The following ASTN2 variants were observed in gnomAD, a reference collection of about 807,000 sequenced individuals.
ASTN2 encodes the protein astrotactin 2, also known as astrotactin-2.
In ASTN2, 54 loss-of-function variants were observed where a neutral mutation model predicts 139.8. The observed-to-expected ratio is 0.39, with a 90% CI of 0.31 to 0.48. ASTN2 has a LOEUF of 0.48. Among genes scored for constraint, ASTN2 ranks in the 20% least tolerant of loss-of-function variants. The pLI is 0.95. For synonymous variants in ASTN2, 756 were observed against 719.5 expected, an observed-to-expected ratio of 1.05 and a Z score of -0.81; for missense variants, 1,565 against 1,725.1, an observed-to-expected ratio of 0.91 and a Z score of 1.64.
intron 3 of ASTN2, among the ~76,000 whole-genome samples, chr9:117,181,906 T>C (rs1588049041): frequency 6.6e-6 from 1 of 152,138 alleles, no homozygotes; most frequent in Non-Finnish European, 1.5e-5. Context: ...AAGACTCGTT[T>C]GGGATTCGCA....
intron 7 of ASTN2, among the ~76,000 whole-genome samples, chr9:117,005,330 A>G (rs1229818170): frequency 1.3e-5 from 2 of 150,704 alleles, no homozygotes; most frequent in Non-Finnish European, 3.0e-5. Flanking sequence ...CTAGTGATCC[A>G]CCTGTCTTGG....
chr9:116,782,212 A>G (rs1360963651), intron 13 of ASTN2, among the ~76,000 whole-genome samples: 3 of 152,200 alleles, frequency 2.0e-5, no homozygotes, highest in Non-Finnish European at 2.9e-5. Flanking sequence ...GGAGCCCACA[A>G]TCACTGTGGA....
chr9:116,880,133 A>G (rs1833414624), intron 10 of ASTN2, among the ~76,000 whole-genome samples: 5 of 152,354 alleles, frequency 3.3e-5, no homozygotes, highest in Admixed American at 3.3e-4. Flanking sequence ...ATGATATAAA[A>G]CTATAAGTAA....
At chr9:116,790,215 C>T (rs1830494411) in intron 13 of ASTN2, among the ~76,000 whole-genome samples, 2 of 152,120 alleles carry the variant, frequency 1.3e-5, no homozygotes, top group Non-Finnish European at 2.9e-5. Flanking sequence ...CGTGAGCCCC[C>T]ACACCCGGCC....
intron 10 of ASTN2, among the ~76,000 whole-genome samples, chr9:116,968,898 C>CAAAAAA (rs34706777): frequency 2.1e-5 from 2 of 93,620 alleles, no homozygotes; most frequent in Non-Finnish European, 4.4e-5. Context: ...GACTCTGTCT[C>CAAAAAA]AAAAAAAAAA....
intron 7 of ASTN2, among the ~76,000 whole-genome samples, chr9:116,978,575 C>T (rs185106896): frequency 1.9e-4 from 29 of 151,644 alleles, no homozygotes; most frequent in African/African-American, 6.3e-4. Flanking sequence ...ATAGACAGGA[C>T]CCAAAAGTTT....
chr9:116,841,315 G>A (rs985148511), intron 11 of ASTN2, among the ~76,000 whole-genome samples: 1 of 152,214 alleles, frequency 6.6e-6, no homozygotes, highest in African/African-American at 2.4e-5. Flanking sequence ...GCAGTGAGCC[G>A]AGATGGCAGC....
chr9:116,559,470 G>A (rs561427011), intron 19 of ASTN2, among the ~76,000 whole-genome samples: 3 of 151,388 alleles, frequency 2.0e-5, no homozygotes, highest in East Asian at 3.9e-4. Context: ...ATTAAATTAT[G>A]ATCTATGGTC....
At chr9:117,258,803 G>C (rs1833753195) in intron 2 of ASTN2, among the ~76,000 whole-genome samples, 1 of 152,060 alleles carries the variant, frequency 6.6e-6, no homozygotes, top group African/African-American at 2.4e-5. Flanking sequence ...TGAAACGTCT[G>C]CCTTAGCTCC....
At chr9:116,837,942 G>C (rs2132295753) in intron 11 of ASTN2, among the ~76,000 whole-genome samples, 1 of 152,250 alleles carries the variant, frequency 6.6e-6, no homozygotes, top group South Asian at 2.1e-4. Context: ...CCTTGAGCTA[G>C]TCCCTTGGCT....
In ASTN2 at chr9:116,454,848, T is replaced by C. The variant is rs1429965025; in HGVS notation, c.3498-12295A>G. On this transcript the variant is annotated intron_variant, in intron 20 of 22. Coordinates refer to ENST00000313400, the MANE Select transcript of ASTN2 (RefSeq NM_001365068.1). Reference sequence around the variant, plus strand: ...GGTGGGAATTGAACAATAAGAACACTTGGACACAGGGTGGGGATCATCACA... The same window carrying C: ...GGTGGGAATTGAACAATAAGAACACCTGGACACAGGGTGGGGATCATCACA... Among the ~76,000 whole-genome samples the C allele has an allele frequency of 2.0e-5, 3 of 151,986 alleles. No individual in the cohort carries two copies. The East Asian group carries it at 5.8e-4, about 29-fold the overall frequency.
intron 16 of ASTN2, among the ~76,000 whole-genome samples, chr9:116,670,518 T>C (rs1196560272): frequency 6.6e-6 from 1 of 152,176 alleles, no homozygotes; most frequent in South Asian, 2.1e-4. Flanking sequence ...AACAGAAGAA[T>C]AGATAAGCAG....
At chr9:116,969,647 T>TGCTCCCAATG (rs946422100) in intron 10 of ASTN2, among the ~76,000 whole-genome samples, 22 of 152,166 alleles carry the variant, frequency 1.4e-4, no homozygotes, top group African/African-American at 4.8e-4. Context: ...AACCTTACTA[T>TGCTCCCAATG]GCCAAAAGCC....
chr9:116,688,692 A>G (rs1860404841), intron 16 of ASTN2, among the ~76,000 whole-genome samples: 1 of 152,208 alleles, frequency 6.6e-6, no homozygotes, highest in South Asian at 2.1e-4. Flanking sequence ...GAACTATTCA[A>G]GGTCATCTGC....
chr9:116,611,700 C>G (rs955657940), intron 19 of ASTN2: 15 of 152,030 alleles, frequency 9.9e-5, no homozygotes, highest in African/African-American at 3.4e-4. Flanking sequence ...AAAGATCACT[C>G]AAGAAGAAAC....
At chr9:116,773,935 T>C (rs1284228201) in intron 13 of ASTN2, among the ~76,000 whole-genome samples, 1 of 152,202 alleles carries the variant, frequency 6.6e-6, no homozygotes, top group East Asian at 1.9e-4. Context: ...CTATCTTTCA[T>C]AGTTTAAGAG....
intron 2 of ASTN2, among the ~76,000 whole-genome samples, chr9:117,256,916 C>G (rs1833701934): frequency 6.6e-6 from 1 of 151,716 alleles, no homozygotes; most frequent in African/African-American, 2.4e-5. Context: ...GTTAAAGACA[C>G]AGATAGTCAG....
At chr9:116,978,305 CT>C (rs1564368624) in intron 7 of ASTN2, among the ~76,000 whole-genome samples, 1 of 152,180 alleles carries the variant, frequency 6.6e-6, no homozygotes, top group Non-Finnish European at 1.5e-5. Context: ...ACTTTGCTTA[CT>C]GCCTAGAATA....
chr9:116,514,742 A>T (rs1489008775), intron 19 of ASTN2, among the ~76,000 whole-genome samples: 1 of 152,204 alleles, frequency 6.6e-6, no homozygotes, highest in Non-Finnish European at 1.5e-5. Context: ...GTTCGATCTC[A>T]GACTGCTGTG....
Sources: gnomAD v4.1 joint callset for allele counts (sites outside exome capture counted in the v4.1 genomes callset) on GRCh38, gnomAD v4.1.1 for gene constraint, MANE v1.5 for transcripts, NCBI Gene and HGNC (gene_info 2026-07-23, HGNC 2026-07-21) for gene names.